The following KDM2B variants were observed in gnomAD, a reference collection of about 807,000 sequenced individuals.
KDM2B encodes the protein lysine demethylase 2B.
Under a neutral mutation model 150.0 loss-of-function variants are expected in KDM2B, and 26 were observed. That is an observed-to-expected ratio of 0.17 (90% CI 0.13 to 0.24). KDM2B has a LOEUF of 0.24. KDM2B is among the 10% of genes least tolerant of loss of function. KDM2B has a pLI of 1.00. For synonymous variants in KDM2B, 734 were observed against 729.5 expected (o/e 1.01, Z -0.10); for missense variants, 1,265 against 1,816.9 (o/e 0.70, Z 5.52).
chr12:121,497,380 C>A (rs55670207), intron 11 of KDM2B, among the ~76,000 whole-genome samples: 4 of 152,142 alleles, frequency 2.6e-5, no homozygotes, highest in Non-Finnish European at 1.5e-5. Context: ...TCTTGGTTCA[C>A]TGCAACCTCT....
chr12:121,549,704 C>T lies in KDM2B; in HGVS notation c.398-66G>A. The T allele has an allele frequency of 1.4e-6, 2 of 1,440,192 alleles. No homozygotes were observed. The highest frequency in any genetic ancestry group is 1.9e-6 in the Non-Finnish European group (2 of 1,068,536). 89.2% of individuals were successfully genotyped at this position (1,440,192 alleles called of 1,614,324 possible). ...AAGGCTCCAGATCCTACATGGGAGC[C>T]CCTCACTAAACAAAAGCTGCTCCTC... On this transcript the variant is annotated intron_variant, in intron 4 of 22. Coordinates refer to ENST00000377071, the MANE Select transcript of KDM2B (RefSeq NM_032590.5). The surrounding 1 kb of genome is among the most constrained non-coding windows in gnomAD (Gnocchi z 4.4).
At chr12:121,511,372 C>A (rs1370386415) in intron 10 of KDM2B, among the ~76,000 whole-genome samples, 1 of 151,366 alleles carries the variant, frequency 6.6e-6, no homozygotes, top group Non-Finnish European at 1.5e-5. Context: ...CCGCAACCTC[C>A]GCCTCCCAGG....
intron 11 of KDM2B, among the ~76,000 whole-genome samples, chr12:121,497,702 C>G (rs1884123131): frequency 6.6e-6 from 1 of 152,070 alleles, no homozygotes; most frequent in Admixed American, 6.6e-5. Context: ...GTCATCAAAA[C>G]AAGGAAAGTC....
intron 12 of KDM2B, among the ~76,000 whole-genome samples, chr12:121,465,028 A>G (rs1224470374): frequency 6.6e-6 from 1 of 152,070 alleles, no homozygotes; most frequent in Non-Finnish European, 1.5e-5. Flanking sequence ...GGACTACGAG[A>G]CAAGCCTGCC....
chr12:121,465,296 C>T (rs1555294557), intron 12 of KDM2B, among the ~76,000 whole-genome samples: 5 of 152,156 alleles, frequency 3.3e-5, no homozygotes, highest in South Asian at 2.1e-4. Context: ...GGCACGATCT[C>T]GGCTCATTGC....
chr12:121,514,194 GC>G (rs1345089186), intron 9 of KDM2B, among the ~76,000 whole-genome samples: 2 of 152,086 alleles, frequency 1.3e-5, no homozygotes, highest in Non-Finnish European at 2.9e-5. Flanking sequence ...AGCTCACTCA[GC>G]CTCGACCTCC....
intron 8 of KDM2B, among the ~76,000 whole-genome samples, chr12:121,528,824 C>T (rs1207801077): frequency 2.0e-5 from 3 of 151,944 alleles, no homozygotes; most frequent in Non-Finnish European, 2.9e-5. Flanking sequence ...ACTTGGGAGG[C>T]GGAGGTTACA....
chr12:121,511,928 A>G (rs1555304088), intron 10 of KDM2B, among the ~76,000 whole-genome samples: 1 of 152,152 alleles, frequency 6.6e-6, no homozygotes, highest in Admixed American at 6.5e-5. Context: ...GCCAGAGGGA[A>G]AACAGTGGCA....
chr12:121,446,212 G>C (rs60824988), intron 13 of KDM2B, among the ~76,000 whole-genome samples: 9 of 152,204 alleles, frequency 5.9e-5, no homozygotes, highest in Admixed American at 5.2e-4. Flanking sequence ...CGGCTACCAC[G>C]GTGAAACCCC....
At chr12:121,445,066 G>T (rs1203492971) in intron 14 of KDM2B, 8 of 555,652 alleles carry the variant, frequency 1.4e-5, no homozygotes, top group African/African-American at 9.4e-5. Context: ...GGAGGTGGGG[G>T]TGTGTTTATT....
chr12:121,416,555 T>A, the KDM2B span: 1 of 558,902 alleles, frequency 1.8e-6, no homozygotes, highest in Non-Finnish European at 3.2e-6. Flanking sequence ...ACTGCTCAAG[T>A]TTTATAGACA....
intron 17 of KDM2B, chr12:121,443,271 C>T: frequency 1.7e-6 from 1 of 592,966 alleles, no homozygotes; most frequent in East Asian, 2.8e-5. Flanking sequence ...CCTCCCACCC[C>T]ACAGACCTGG....
intron 8 of KDM2B, among the ~76,000 whole-genome samples, chr12:121,530,182 T>C (rs1887537977): frequency 2.1e-5 from 3 of 145,306 alleles, no homozygotes; most frequent in Admixed American, 7.0e-5. Context: ...GAGCCGAGAT[T>C]GCGCCACTGC....
At chr12:121,478,791 AATCCTCCCACCTC>A (rs1293849700) in intron 12 of KDM2B, among the ~76,000 whole-genome samples, 1 of 151,328 alleles carries the variant, frequency 6.6e-6, no homozygotes, top group African/African-American at 2.4e-5. Context: ...AGGCTCAAGC[AATCCTCCCACCTC>A]AGCCTCCCAA....
intron 22 of KDM2B, among the ~76,000 whole-genome samples, chr12:121,439,391 T>C (rs1311652621): frequency 3.3e-5 from 5 of 151,746 alleles, no homozygotes; most frequent in Non-Finnish European, 7.4e-5. Flanking sequence ...TTTTTTTTTT[T>C]TTTTTTTTGA....
rs1259975670 is a variant in KDM2B, at chr12:121,575,947, T to C, written c.272-88A>G. ...CTGTTGGTTAGGGGAAGAAAACTGATGGACGAAGGGGCAGGGGGTCCAGGA... is the reference window on the plus strand; with the variant it reads ...CTGTTGGTTAGGGGAAGAAAACTGACGGACGAAGGGGCAGGGGGTCCAGGA... On this transcript the variant is annotated intron_variant, in intron 2 of 22. Coordinates refer to ENST00000377071, the MANE Select transcript of KDM2B (RefSeq NM_032590.5). This position sits in a 1 kb window ranked among gnomAD's most constrained non-coding sequence, Gnocchi z 4.4. 1 of 949,466 alleles carries C rather than the reference T, an allele frequency of 1.1e-6. No homozygotes were observed. The highest frequency in any genetic ancestry group is 1.3e-5 in the South Asian group (1 of 76,540). The allele number at this position is 949,466 out of a possible 1,614,324, so 58.8% of individuals were successfully genotyped here. A position where few individuals can be genotyped will look rare whatever the true frequency, so the allele number is the denominator to read the frequency against.
At position 121,549,590 on chromosome 12, in the gene KDM2B, G is replaced by C. The variant is rs35367851; in HGVS notation, c.446C>G (p.Thr149Arg). ...DVMDVNTQKG[T>R]EMSMSQFVRY... ...CACAAACTGGGACATGCTCATCTCC[G>C]TGCCCTTCTGGGTGTTCACATCCAT... The change falls in exon 5 of 23, where the codon ACG (threonine) becomes AGG (arginine). Residue 149 changes from threonine to arginine, a missense_variant. By Grantham distance (71) the Thr-to-Arg change is moderately conservative (BLOSUM62 -1). This residue lies in a region of KDM2B where 214 missense variants were observed against 447.4 expected (regional missense o/e 0.48). Coordinates refer to ENST00000377071, the MANE Select transcript of KDM2B (RefSeq NM_032590.5). This position sits in a 1 kb window ranked among gnomAD's most constrained non-coding sequence, Gnocchi z 4.4. The C allele has an allele frequency of 1.2e-6, 2 of 1,611,108 alleles. No homozygotes were observed. Among genetic ancestry groups the C allele is most frequent in the Non-Finnish European group, 1.7e-6 (2 of 1,177,982 alleles).
rs192798322 is a variant in KDM2B, at chr12:121,513,023, C to T, written c.1174+253G>A. Among the ~76,000 whole-genome samples, 988 of 152,384 alleles carry T rather than the reference C, an allele frequency of 6.5e-3. 7 individuals are homozygous for T. The highest frequency in any genetic ancestry group is 0.023 in the African/African-American group (951 of 41,588). ...CAGCCAAGCCCGGGGCGGCCCCAAC[C>T]TGCATCTACACAGCCATGGGCTGGA... is the stretch of plus-strand genomic sequence containing the variant. On this transcript the variant is annotated intron_variant, in intron 10 of 22. Coordinates refer to ENST00000377071, the MANE Select transcript of KDM2B (RefSeq NM_032590.5). The surrounding 1 kb of genome is among the most constrained non-coding windows in gnomAD (Gnocchi z 5.0).
At position 121,442,778 on chromosome 12, in the gene KDM2B, C is replaced by T. The variant is rs1457528126; in HGVS notation, c.2663G>A (p.Arg888His). The stretch of plus-strand genomic sequence containing the variant: ...TTCGTCCTCGGGTTCCTGCTTGAAG[C>T]GCCGGAGGGGCTTGTTGGCCAGCGC... ...RMALANKPLR[R>H]FKQEPEDELP... is the part of the protein sequence containing the mutation. The change falls in exon 19 of 23, where the codon CGC (arginine) becomes CAC (histidine). Residue 888 changes from arginine (R) to histidine (H), a missense_variant. Transcript: ENST00000377071. This position sits in a 1 kb window ranked among gnomAD's most constrained non-coding sequence, Gnocchi z 7.7. 1.3e-6 allele frequency: 2 copies of T among 1,542,526 alleles called. No individual in the cohort carries two copies. Among genetic ancestry groups the T allele is most frequent in the African/African-American group, 1.4e-5 (1 of 72,154 alleles).
Sources: gnomAD v4.1 joint callset for allele counts (sites outside exome capture counted in the v4.1 genomes callset) on GRCh38, gnomAD v4.1.1 for gene constraint, gnomAD v4.1.1 regional missense constraint, Gnocchi (gnomAD v3.1) non-coding constraint, MANE v1.5 for transcripts, NCBI Gene and HGNC (gene_info 2026-07-23, HGNC 2026-07-21) for gene names.